Variants in NUFIP1 observed in about 807,000 individuals in gnomAD.
NUFIP1 encodes FMR1-interacting protein NUFIP1.
In NUFIP1, 38 loss-of-function variants were observed where a neutral mutation model predicts 56.2. The ratio of observed to expected loss-of-function variants is 0.68; its 90% CI spans 0.52 to 0.89. The LOEUF (loss-of-function observed/expected upper bound fraction) is 0.89. Ranked by LOEUF, NUFIP1 falls within the 40% of genes least tolerant of loss-of-function variation. NUFIP1 has a pLI of 0.00. For missense variants in NUFIP1, 567 were observed against 605.8 expected (o/e 0.94, Z 0.67); for synonymous variants, 215 against 212.4 (o/e 1.01, Z -0.10).
At chr13:44,966,882 A>T (rs968512159) in intron 5 of NUFIP1, among the ~76,000 whole-genome samples, 1 of 151,682 alleles carries the variant, frequency 6.6e-6, no homozygotes, top group African/African-American at 2.4e-5. Flanking sequence ...CTGAGGCAGG[A>T]GAATCTCTTG....
At chr13:44,955,270 T>G (rs900520587) in intron 7 of NUFIP1, among the ~76,000 whole-genome samples, 2 of 152,174 alleles carry the variant, frequency 1.3e-5, no homozygotes, top group African/African-American at 4.8e-5. Flanking sequence ...ACTGATAAAT[T>G]GGGAGACTTC....
At chr13:44,982,995 A>G (rs1872247835) in intron 1 of NUFIP1, among the ~76,000 whole-genome samples, 1 of 152,128 alleles carries the variant, frequency 6.6e-6, no homozygotes, top group Non-Finnish European at 1.5e-5. Flanking sequence ...GCAACAGCAC[A>G]AGACCCTGTC....
intron 7 of NUFIP1, 134 bp from the exon 8 acceptor site, chr13:44,949,972 G>A (rs1871036150): frequency 4.4e-6 from 3 of 682,942 alleles, no homozygotes; most frequent in Admixed American, 2.1e-5. Context: ...ACTAATTCTA[G>A]GGGGCCAGAA....
At chr13:44,980,632 A>T in intron 3 of NUFIP1, 90 bp downstream of exon 3, 1 of 902,148 alleles carries the variant, frequency 1.1e-6, no homozygotes, top group Non-Finnish European at 1.7e-6. Context: ...TATAAACTTT[A>T]AAGGAAAACA....
chr13:44,960,837 C>T (rs550225209), intron 6 of NUFIP1, among the ~76,000 whole-genome samples: 6 of 152,018 alleles, frequency 3.9e-5, no homozygotes, highest in South Asian at 4.2e-4. Flanking sequence ...CCAAGGTGGG[C>T]GGATCACTTG....
At chr13:44,971,332 A>G (rs1219128815) in intron 5 of NUFIP1, among the ~76,000 whole-genome samples, 1 of 152,098 alleles carries the variant, frequency 6.6e-6, no homozygotes, top group African/African-American at 2.4e-5. Context: ...TTATTCCCTC[A>G]ACAGATTTTG....
intron 1 of NUFIP1, among the ~76,000 whole-genome samples, chr13:44,987,271 G>A (rs1053150209): frequency 5.9e-5 from 9 of 152,028 alleles, no homozygotes; most frequent in Admixed American, 2.0e-4. Flanking sequence ...CCAGCTGCTC[G>A]GGAGGCTGAG....
chr13:44,959,669 T>C, intron 6 of NUFIP1, 95 bp from the exon 7 acceptor site: 1 of 964,026 alleles, frequency 1.0e-6, no homozygotes, highest in Non-Finnish European at 1.6e-6. Context: ...AACCTAGCTG[T>C]AAAACTGATC....
At chr13:44,983,092 C>G (rs574991185) in intron 1 of NUFIP1, among the ~76,000 whole-genome samples, 1 of 152,158 alleles carries the variant, frequency 6.6e-6, no homozygotes, top group Admixed American at 6.5e-5. Flanking sequence ...TGGGCTCAAC[C>G]GATCTGCCTG....
chr13:44,958,050 A>G (rs1321729043), intron 7 of NUFIP1, among the ~76,000 whole-genome samples: 1 of 152,244 alleles, frequency 6.6e-6, no homozygotes, highest in Non-Finnish European at 1.5e-5. Context: ...GAGTACACTC[A>G]GCACTGGCTC....
In NUFIP1 at chr13:44,941,130, G is replaced by A; in HGVS notation, c.*76C>T. The A allele has an allele frequency of 1.4e-6, 1 of 716,250 alleles. No homozygotes were observed. The highest frequency in any genetic ancestry group is 2.4e-6 in the Non-Finnish European group (1 of 419,844). 44.4% of individuals were successfully genotyped at this position (716,250 alleles called of 1,614,324 possible). On this transcript the variant is annotated 3_prime_UTR_variant, in exon 10 of 10. Transcript: ENST00000379161. ...CAAATCCAATTTTGACGGAAAAAAG[G>A]GTTTTGGTTTTCCTCTACTAACGAG...
rs1870682772 is a variant in NUFIP1 at position 44,940,114 on chromosome 13, ATGAAT to A, written c.*1087_*1091del. The A allele has an allele frequency of 2.0e-5, 3 of 152,272 alleles. No individual in the cohort carries two copies. Among genetic ancestry groups the A allele is most frequent in the Admixed American group, 2.0e-4 (3 of 15,286 alleles). The allele number at this position is 152,272 out of a possible 1,614,324, so 9.4% of individuals were successfully genotyped here. Reference sequence around the variant, plus strand: ...AAGAGTAAGCACTCAACAGTGTTACATGAATTGAATTAGTTAATGTATAAGGCAGA... The same window carrying A: ...AAGAGTAAGCACTCAACAGTGTTACATGAATTAGTTAATGTATAAGGCAGA... On this transcript the variant is annotated 3_prime_UTR_variant, in exon 10 of 10. Coordinates refer to ENST00000379161, the MANE Select transcript of NUFIP1 (RefSeq NM_012345.3).
At chr13:44,956,321 T>TA (rs1320330602) in intron 7 of NUFIP1, among the ~76,000 whole-genome samples, 1 of 151,820 alleles carries the variant, frequency 6.6e-6, no homozygotes. Context: ...AGTGAAAAGT[T>TA]AAAGAACCTA....
rs750983103 is a variant in NUFIP1, at chr13:44,959,589, T to C, written c.828-15A>G. 20 of 1,587,604 alleles carry C rather than the reference T, an allele frequency of 1.3e-5. No individual in the cohort carries two copies. Among genetic ancestry groups the C allele is most frequent in the Non-Finnish European group, 1.5e-5 (17 of 1,171,228 alleles). On this transcript the variant is annotated splice_polypyrimidine_tract_variant and intron_variant, in intron 6 of 9. Transcript: ENST00000379161. The stretch of plus-strand genomic sequence containing the variant: ...CCTTCATCTTGCTGGAGTAAGAAAA[T>C]TGCAATTTTTAATATAAAAGGCACT...
chr13:44,965,659 A>C (rs1164302677), intron 6 of NUFIP1, among the ~76,000 whole-genome samples, 185 bp downstream of exon 6: 1 of 152,304 alleles, frequency 6.6e-6, no homozygotes, highest in South Asian at 2.1e-4. Context: ...GCGCCACTGC[A>C]CTCCAGCCTG....
In NUFIP1 at chr13:44,959,375, G is replaced by A. The variant is rs1231068860; in HGVS notation, c.1021+6C>T. On this transcript the variant is annotated splice_donor_region_variant and intron_variant, in intron 7 of 9. Transcript: ENST00000379161. Reference sequence around the variant, plus strand: ...TATAAATACGTTATTTTCCTGTTTAGCTTACCAGAATCACTGTTTATCAAA... The same window carrying A: ...TATAAATACGTTATTTTCCTGTTTAACTTACCAGAATCACTGTTTATCAAA... 7 of 1,611,218 alleles carry A rather than the reference G, an allele frequency of 4.3e-6. No homozygotes were observed. In the African/African-American group the frequency reaches 6.7e-5, roughly 15 times the overall value.
chr13:44,949,486 C>T (rs546372289), intron 8 of NUFIP1, among the ~76,000 whole-genome samples: 1 of 152,290 alleles, frequency 6.6e-6, no homozygotes, highest in South Asian at 2.1e-4. Flanking sequence ...CAGGCGTGAG[C>T]CACCGCGCCC....
intron 7 of NUFIP1, among the ~76,000 whole-genome samples, chr13:44,958,525 G>C (rs1244600764): frequency 6.6e-6 from 1 of 152,050 alleles, no homozygotes; most frequent in Non-Finnish European, 1.5e-5. Flanking sequence ...TTCAGTCAAC[G>C]AATTAGTTAT....
intron 5 of NUFIP1, among the ~76,000 whole-genome samples, chr13:44,966,744 T>A (rs1166581256): frequency 6.6e-6 from 1 of 151,532 alleles, no homozygotes; most frequent in Non-Finnish European, 1.5e-5. Context: ...GAGGTTGAGG[T>A]GGGCGGATCA....
Sources: gnomAD v4.1 joint callset for allele counts (sites outside exome capture counted in the v4.1 genomes callset) on GRCh38, gnomAD v4.1.1 for gene constraint, MANE v1.5 for transcripts, NCBI Gene and HGNC (gene_info 2026-07-23, HGNC 2026-07-21) for gene names.